Variants in HBS1L observed in about 807,000 individuals in gnomAD.
The protein encoded by HBS1L is HBS1-like protein.
A neutral mutation model predicts 88.9 loss-of-function variants in HBS1L; 55 were observed. That is an observed-to-expected ratio of 0.62 (90% confidence interval 0.50 to 0.77). The LOEUF is 0.77. Ranked by LOEUF, HBS1L falls within the 30% of genes least tolerant of loss-of-function variation. The probability of loss-of-function intolerance (pLI) is 0.00; values close to 1 mark genes in which losing one functional copy is unlikely to be tolerated. For synonymous variants in HBS1L, 267 were observed against 288.5 expected (o/e 0.93, Z 0.76); for missense variants, 741 against 829.3 (o/e 0.89, Z 1.31).
chr6:134,986,005 T>C (rs1774968499), intron 11 of HBS1L, 61 bp downstream of exon 11: 1 of 770,078 alleles, frequency 1.3e-6, no homozygotes, highest in Non-Finnish European at 2.2e-6. Flanking sequence ...CATAAAGAAC[T>C]CTAAATAATA....
In HBS1L at chr6:134,966,317, A is replaced by G; in HGVS notation, c.2043+12T>C. On this transcript the variant is annotated intron_variant, in intron 17 of 17. Coordinates refer to ENST00000367837, the MANE Select transcript of HBS1L (RefSeq NM_006620.4). ...CTATGGATATATAATGAGTCACTTTAAAATAAAATACCTCAGTGACAACAC... is the reference window on the plus strand; with the variant it reads ...CTATGGATATATAATGAGTCACTTTGAAATAAAATACCTCAGTGACAACAC... 6.2e-7 allele frequency: 1 copy of G among 1,602,536 alleles called. No individual in the cohort carries two copies.
intron 4 of HBS1L, among the ~76,000 whole-genome samples, chr6:135,023,007 A>G (rs1423271093): frequency 6.6e-6 from 1 of 151,874 alleles, no homozygotes; most frequent in Non-Finnish European, 1.5e-5. Context: ...CATAGTGATG[A>G]TATCTAAGAG....
intron 2 of HBS1L, among the ~76,000 whole-genome samples, chr6:135,046,462 T>G (rs1348775760): frequency 6.6e-6 from 1 of 152,170 alleles, no homozygotes; most frequent in African/African-American, 2.4e-5. Context: ...ACCATTCAAA[T>G]AAAGTTTTAT....
chr6:135,051,083 A>G (rs1276323868), intron 1 of HBS1L, among the ~76,000 whole-genome samples: 1 of 152,182 alleles, frequency 6.6e-6, no homozygotes, highest in Non-Finnish European at 1.5e-5. Flanking sequence ...AAAATTAGCT[A>G]GACATGGTGA....
intron 4 of HBS1L, among the ~76,000 whole-genome samples, chr6:135,008,956 A>G (rs1328703943): frequency 2.0e-5 from 3 of 152,098 alleles, no homozygotes; most frequent in African/African-American, 4.8e-5. Context: ...TATTGTCTTT[A>G]TAAGTTATCT....
chr6:134,980,107 G>T (rs1583067487), intron 13 of HBS1L, among the ~76,000 whole-genome samples: 1 of 151,928 alleles, frequency 6.6e-6, no homozygotes, highest in East Asian at 1.9e-4. Context: ...AGAAATGTAG[G>T]CCTTTTGACA....
At chr6:134,971,898 A>G (rs1423924585) in intron 15 of HBS1L, among the ~76,000 whole-genome samples, 3 of 152,200 alleles carry the variant, frequency 2.0e-5, no homozygotes, top group African/African-American at 7.2e-5. Flanking sequence ...CCCAAGTCCC[A>G]AAAGACTGAA....
At chr6:134,985,269 C>T (rs147418976) in intron 12 of HBS1L, 72 bp downstream of exon 12, 20 of 909,188 alleles carry the variant, frequency 2.2e-5, no homozygotes, top group South Asian at 1.1e-4. Context: ...ATAACTTAGT[C>T]CAGGAAAGGA....
chr6:134,995,667 T>G (rs1775268900), intron 7 of HBS1L, among the ~76,000 whole-genome samples: 1 of 151,774 alleles, frequency 6.6e-6, no homozygotes, highest in Non-Finnish European at 1.5e-5. Context: ...AAAAGCCACA[T>G]ACTTTAGTAA....
rs1340007184 is a variant in HBS1L, at chr6:134,964,999, T to C, written c.*280A>G. 4.2e-6 allele frequency: 2 copies of C among 472,110 alleles called. No homozygotes were observed. The highest frequency in any genetic ancestry group is 4.0e-5 in the African/African-American group (2 of 49,476). 29.2% of individuals were successfully genotyped at this position (472,110 alleles called of 1,614,324 possible). A position where few individuals can be genotyped will look rare whatever the true frequency, so the allele number is the denominator to read the frequency against. Reference sequence around the variant, plus strand: ...GATGATTCAGTATCTTCAGATACTATTTTTGACACTTGCCATAAATCTTAG... The same window carrying C: ...GATGATTCAGTATCTTCAGATACTACTTTTGACACTTGCCATAAATCTTAG... On this transcript the variant is annotated 3_prime_UTR_variant, in exon 18 of 18. Coordinates refer to ENST00000367837, the MANE Select transcript of HBS1L (RefSeq NM_006620.4).
chr6:135,006,496 G>A (rs1775615181), intron 4 of HBS1L, among the ~76,000 whole-genome samples: 1 of 152,070 alleles, frequency 6.6e-6, no homozygotes, highest in South Asian at 2.1e-4. Flanking sequence ...CTAGATGACA[G>A]CAGTAAAGAC....
At chr6:135,032,554 G>A (rs1483161658) in intron 4 of HBS1L, among the ~76,000 whole-genome samples, 2 of 151,922 alleles carry the variant, frequency 1.3e-5, no homozygotes, top group African/African-American at 4.8e-5. Context: ...ATATATACCT[G>A]CATGAACACA....
chr6:135,046,949 T>C lies in HBS1L; in HGVS notation c.109+3633A>G, dbSNP rs185419632. ...TGATGTTACTGCTATTTTAAAATGT[T>C]TTGAAAAATTTAAAAATCCAAAGTC... On this transcript the variant is annotated intron_variant, in intron 2 of 17. Transcript: ENST00000367837. 7.2e-4 allele frequency among the ~76,000 whole-genome samples: 110 copies of C among 152,332 alleles called. 1 individual carries two copies. Among genetic ancestry groups the C allele is most frequent in the Non-Finnish European group, 4.7e-4 (32 of 68,022 alleles).
intron 4 of HBS1L, chr6:135,037,297 T>C (rs367926966): frequency 1.8e-4 from 275 of 1,551,830 alleles, no homozygotes; most frequent in Non-Finnish European, 2.3e-4. Context: ...CTGGCTTATA[T>C]TGTTTTCTTT....
intron 8 of HBS1L, among the ~76,000 whole-genome samples, chr6:134,988,615 C>T (rs974246205): frequency 6.6e-6 from 1 of 152,128 alleles, no homozygotes; most frequent in Non-Finnish European, 1.5e-5. Context: ...CATATTCCCT[C>T]TCTCCCATTT....
rs185057739 is a variant in HBS1L at position 135,002,447 on chromosome 6, G to A, written c.539+287C>T. On this transcript the variant is annotated intron_variant, in intron 5 of 17. Coordinates refer to ENST00000367837, the MANE Select transcript of HBS1L (RefSeq NM_006620.4). The stretch of plus-strand genomic sequence containing the variant: ...GTATAAGAATTCCCTATCTCACAGT[G>A]CTAGGTTTCACAAAATCATAGGGTT... 3.6e-3 allele frequency among the ~76,000 whole-genome samples: 552 copies of A among 152,220 alleles called. 4 individuals carry two copies. The highest frequency in any genetic ancestry group is 5.4e-3 in the Non-Finnish European group (370 of 68,022).
intron 15 of HBS1L, among the ~76,000 whole-genome samples, chr6:134,973,489 T>C (rs1403813663): frequency 6.6e-6 from 1 of 152,034 alleles, no homozygotes; most frequent in Non-Finnish European, 1.5e-5. Context: ...GATTTTCAGT[T>C]TGGGATGTTG....
rs527697546 is a variant in HBS1L at position 135,026,487 on chromosome 6, CT to C, written c.430+13085del. On this transcript the variant is annotated intron_variant, in intron 4 of 17. Coordinates refer to ENST00000367837, the MANE Select transcript of HBS1L (RefSeq NM_006620.4). ...AATATGTAAATATAAAAGACAACAACTTTTTTTAAAATGACAGACATTATTA... is the reference window on the plus strand; with the variant it reads ...AATATGTAAATATAAAAGACAACAACTTTTTTAAAATGACAGACATTATTA... Among the ~76,000 whole-genome samples, 554 of 152,076 alleles carry C rather than the reference CT, an allele frequency of 3.6e-3. 4 individuals are homozygous for C. Among genetic ancestry groups the C allele is most frequent in the Non-Finnish European group, 5.5e-3 (374 of 67,952 alleles).
rs1774172904 is a variant in HBS1L, at chr6:134,960,986, A to C, written c.*4293T>G. 1 of 152,096 alleles carries C rather than the reference A, an allele frequency of 6.6e-6. No individual in the cohort carries two copies. Among genetic ancestry groups the C allele is most frequent in the Non-Finnish European group, 1.5e-5 (1 of 67,998 alleles). 9.4% of individuals were successfully genotyped at this position (152,096 alleles called of 1,614,324 possible). ...CTTTGCAGTTTGAGTCTACATTTTA[A>C]AGATAAAAACCTATTTTCATTTACT... On this transcript the variant is annotated 3_prime_UTR_variant, in exon 18 of 18. Coordinates refer to ENST00000367837, the MANE Select transcript of HBS1L (RefSeq NM_006620.4).
Sources: gnomAD v4.1 joint callset for allele counts (sites outside exome capture counted in the v4.1 genomes callset) on GRCh38, gnomAD v4.1.1 for gene constraint, MANE v1.5 for transcripts, NCBI Gene and HGNC (gene_info 2026-07-23, HGNC 2026-07-21) for gene names.